The following ISM1 variants were observed in gnomAD, a reference collection of about 807,000 sequenced individuals.
ISM1 encodes the protein isthmin-1.
A neutral mutation model predicts 46.3 loss-of-function variants in ISM1; 25 were observed. The ratio of observed to expected loss-of-function variants is 0.54; its 90% CI spans 0.39 to 0.75. The LOEUF (loss-of-function observed/expected upper bound fraction) is 0.75. Among genes scored for constraint, ISM1 ranks in the 30% least tolerant of loss-of-function variants. The pLI, the probability that ISM1 is intolerant of heterozygous loss-of-function variation, is 0.00. For missense variants in ISM1, 536 were observed against 625.4 expected (o/e 0.86, Z 1.52); for synonymous variants, 255 against 256.7 (o/e 0.99, Z 0.06).
At chr20:13,301,615 T>C (rs797009932), downstream of ISM1, among the ~76,000 whole-genome samples, 14 of 152,334 alleles carry the variant, frequency 9.2e-5, no homozygotes, top group African/African-American at 3.4e-4. Context: ...AATTTTTTGC[T>C]ACAGATGAAC....
At chr20:13,235,956 A>G (rs1474350987) in intron 1 of ISM1, among the ~76,000 whole-genome samples, 1 of 147,352 alleles carries the variant, frequency 6.8e-6, no homozygotes, top group African/African-American at 2.6e-5. Context: ...ATGGAGTCTC[A>G]TTGTGTCACC....
At chr20:13,292,151 C>T in intron 4 of ISM1, among the ~76,000 whole-genome samples, 1 of 152,200 alleles carries the variant, frequency 6.6e-6, no homozygotes, top group East Asian at 1.9e-4. Context: ...TATTCAGGCA[C>T]ATTTGGATCT....
Position 13,257,475 on chromosome 20 carries a change from G to A in ISM1, c.139-13029G>A, listed in dbSNP as rs149092049. On this transcript the variant is annotated intron_variant, in intron 1 of 5. Transcript: ENST00000262487. ...AAGGTTGCAGGGCCTGGTTCTCTGCGTCTTCCTCAGTTCTCTGCCTCATCT... is the reference window on the plus strand; with the variant it reads ...AAGGTTGCAGGGCCTGGTTCTCTGCATCTTCCTCAGTTCTCTGCCTCATCT... 1.2e-3 allele frequency among the ~76,000 whole-genome samples: 186 copies of A among 152,216 alleles called. No homozygotes were observed. The East Asian group carries it at 0.025, about 20-fold the overall frequency.
chr20:13,292,451 C>A lies in ISM1; in HGVS notation c.865C>A (p.Leu289Met). The A allele has an allele frequency of 4.4e-6, 7 of 1,597,584 alleles. No homozygotes were observed. Among genetic ancestry groups the A allele is most frequent in the Non-Finnish European group, 6.0e-6 (7 of 1,170,670 alleles). The part of the protein sequence containing the change: ...AGSEEFNATK[L>M]FEVDTDSCER... ...AAGCGAGGAGTTTAATGCCACCAAA[C>A]TGTTTGAAGTTGGTAAGATTTTTTT... The change falls in exon 5 of 6, where the codon CTG becomes ATG. Residue 289 changes from leucine (L) to methionine (M), a missense_variant. Physicochemically the swap from Leu to Met is conservative, Grantham distance 15. Transcript: ENST00000262487.
the ISM1 span, among the ~76,000 whole-genome samples, chr20:13,319,792 C>T: frequency 2.6e-5 from 4 of 152,318 alleles, no homozygotes; most frequent in South Asian, 4.1e-4. Context: ...GCCAGCCAAC[C>T]TTCTTGTCCC....
At chr20:13,292,534 C>A in intron 5 of ISM1, 71 bp downstream of exon 5, 1 of 929,604 alleles carries the variant, frequency 1.1e-6, no homozygotes, top group Non-Finnish European at 1.7e-6. Context: ...TTTTGCAATG[C>A]CATCCTTGGA....
intron 1 of ISM1, among the ~76,000 whole-genome samples, chr20:13,250,116 G>T (rs2039850497): frequency 6.6e-6 from 1 of 152,182 alleles, no homozygotes; most frequent in Admixed American, 6.5e-5. Flanking sequence ...TCTGGAGATG[G>T]AAAACTGCTG....
At chr20:13,236,417 G>A (rs1024645785) in intron 1 of ISM1, among the ~76,000 whole-genome samples, 1 of 152,118 alleles carries the variant, frequency 6.6e-6, no homozygotes, top group East Asian at 1.9e-4. Context: ...GGAATTCTGG[G>A]AGAAACAATT....
the ISM1 span, among the ~76,000 whole-genome samples, chr20:13,324,003 A>G: frequency 6.6e-6 from 1 of 152,204 alleles, no homozygotes; most frequent in African/African-American, 2.4e-5. Context: ...AAGAAATGTT[A>G]TCTATCTCCC....
At chr20:13,326,703 G>A in the ISM1 span, among the ~76,000 whole-genome samples, 8 of 151,858 alleles carry the variant, frequency 5.3e-5, no homozygotes, top group African/African-American at 1.9e-4. Context: ...TTTTAAATTG[G>A]GTTGTTTACA....
At chr20:13,293,617 T>G (rs1359459820) in intron 5 of ISM1, among the ~76,000 whole-genome samples, 1 of 151,718 alleles carries the variant, frequency 6.6e-6, no homozygotes, top group Non-Finnish European at 1.5e-5. Context: ...GTAGAACAAG[T>G]CTCGAATAAA....
downstream of ISM1, among the ~76,000 whole-genome samples, chr20:13,301,090 T>G (rs567809488): frequency 6.0e-4 from 92 of 152,224 alleles, 1 homozygote; most frequent in Non-Finnish European, 9.3e-4. Flanking sequence ...CTGTAGCACA[T>G]TTTTGAAGTC....
chr20:13,311,287 A>ATAC, the ISM1 span, among the ~76,000 whole-genome samples: 1 of 152,136 alleles, frequency 6.6e-6, no homozygotes, highest in African/African-American at 2.4e-5. Flanking sequence ...ATAGATAATA[A>ATAC]AATATTTGTA....
intron 1 of ISM1, among the ~76,000 whole-genome samples, chr20:13,240,250 CAAT>C (rs2039703945): frequency 6.6e-6 from 1 of 152,146 alleles, no homozygotes; most frequent in African/African-American, 2.4e-5. Context: ...AGAAAACTGA[CAAT>C]AATTGATTCA....
intron 1 of ISM1, among the ~76,000 whole-genome samples, chr20:13,232,224 C>T (rs1316990201): frequency 6.6e-6 from 1 of 152,142 alleles, no homozygotes; most frequent in East Asian, 1.9e-4. Context: ...AAAAATTTGA[C>T]AATACTGACA....
At chr20:13,258,142 C>T in intron 1 of ISM1, among the ~76,000 whole-genome samples, 1 of 152,176 alleles carries the variant, frequency 6.6e-6, no homozygotes, top group East Asian at 1.9e-4. Context: ...CCGTTTACCT[C>T]TCTCAATCCA....
At position 13,281,365 on chromosome 20, in the gene ISM1, T is replaced by C. The variant is rs2123286824; in HGVS notation, c.643+1467T>C. ...AGCAGGCTCATGAAACCTTCACCTTTCCCAAAGGAAGTCAAGTTATCTGCT... is the reference window on the plus strand; with the variant it reads ...AGCAGGCTCATGAAACCTTCACCTTCCCCAAAGGAAGTCAAGTTATCTGCT... On this transcript the variant is annotated intron_variant, in intron 3 of 5. Transcript: ENST00000262487. Among the ~76,000 whole-genome samples, 5 of 152,248 alleles carry C rather than the reference T, an allele frequency of 3.3e-5. No individual in the cohort carries two copies. The Middle Eastern group carries it at 0.017, about 518-fold the overall frequency.
chr20:13,274,783 C>T (rs920585995), intron 2 of ISM1, among the ~76,000 whole-genome samples: 5 of 152,108 alleles, frequency 3.3e-5, no homozygotes, highest in African/African-American at 1.2e-4. Flanking sequence ...CAGGCAGCCT[C>T]GGTCCCAAGT....
intron 1 of ISM1, among the ~76,000 whole-genome samples, chr20:13,254,860 T>C (rs1177748348): frequency 3.3e-5 from 5 of 152,240 alleles, no homozygotes; most frequent in Non-Finnish European, 5.9e-5. Context: ...GCCACACTTA[T>C]TGGGCATTGA....
Sources: allele counts gnomAD v4.1 joint callset (sites outside exome capture counted in the v4.1 genomes callset), GRCh38; gene constraint gnomAD v4.1.1; transcripts MANE v1.5; gene names NCBI Gene and HGNC (gene_info 2026-07-23, HGNC 2026-07-21).